The following RALGPS1 variants were observed in gnomAD, a reference collection of about 807,000 sequenced individuals.
The protein encoded by RALGPS1 is ras-specific guanine nucleotide-releasing factor RalGPS1.
In RALGPS1, 19 loss-of-function variants were observed where a neutral mutation model predicts 78.8. The ratio of observed to expected loss-of-function variants is 0.24; its 90% confidence interval spans 0.17 to 0.35. RALGPS1 has a LOEUF of 0.35. RALGPS1 is among the 10% of genes least tolerant of loss of function. The pLI is 1.00. For synonymous variants in RALGPS1, 228 were observed against 256.3 expected (o/e 0.89, Z 1.06); for missense variants, 454 against 688.3 (o/e 0.66, Z 3.81).
chr9:127,119,709 G>C lies in RALGPS1; in HGVS notation c.611-46360G>C, dbSNP rs139924549. Among the ~76,000 whole-genome samples, 99 of 152,346 alleles carry C rather than the reference G, an allele frequency of 6.5e-4. 1 individual carries two copies. The highest frequency in any genetic ancestry group is 2.3e-3 in the African/African-American group (95 of 41,582). On this transcript the variant is annotated intron_variant, in intron 8 of 18. Transcript: ENST00000259351. ...GAGGAACAGCTTATTTGCTCTGCCC[G>C]TGAGCTTCAGCAATAACATGTAGTC...
intron 4 of RALGPS1, among the ~76,000 whole-genome samples, chr9:127,031,059 G>A (rs948841599): frequency 7.2e-5 from 11 of 152,274 alleles, no homozygotes; most frequent in Admixed American, 7.2e-4. Context: ...AGCGCCCATG[G>A]GAAGGGCTGT....
chr9:126,997,491 T>C (rs1257061529), intron 4 of RALGPS1, among the ~76,000 whole-genome samples: 1 of 152,142 alleles, frequency 6.6e-6, no homozygotes, highest in Non-Finnish European at 1.5e-5. Context: ...CAAGGAGAAC[T>C]ACAAACCACT....
chr9:127,214,470 C>T (rs1389559547), intron 17 of RALGPS1, among the ~76,000 whole-genome samples: 2 of 152,136 alleles, frequency 1.3e-5, no homozygotes, highest in Non-Finnish European at 2.9e-5. Context: ...TGAGTATTAT[C>T]GATTTCCTTT....
At chr9:126,986,979 A>C (rs2041860237) in intron 4 of RALGPS1, among the ~76,000 whole-genome samples, 2 of 152,212 alleles carry the variant, frequency 1.3e-5, no homozygotes, top group African/African-American at 4.8e-5. Flanking sequence ...TGTACAAAGC[A>C]AGCTCCTAGT....
intron 5 of RALGPS1, among the ~76,000 whole-genome samples, chr9:127,041,235 G>A (rs185963335): frequency 3.9e-4 from 60 of 152,160 alleles, no homozygotes; most frequent in Admixed American, 3.6e-3. Flanking sequence ...AGGATTACAG[G>A]TGCATGCCAC....
Position 127,212,209 on chromosome 9 carries a change from C to G in RALGPS1, c.1326C>G (p.Thr442=), listed in dbSNP as rs780867195. 1.9e-6 allele frequency: 3 copies of G among 1,613,826 alleles called. No homozygotes were observed. Among genetic ancestry groups the G allele is most frequent in the Non-Finnish European group, 2.5e-6 (3 of 1,179,878 alleles). ...TGGAGGGGCCTCTGAGAAGAAAAAC[C>G]CTGCTCAAGGAAGGGCGGAAGCCTG... The part of the protein sequence containing the change: ...PTMEGPLRRK[T]LLKEGRKPAL... The change falls in exon 15 of 19, where the codon ACC becomes ACG. Residue 442 remains threonine, a synonymous_variant. Coordinates refer to ENST00000259351, the MANE Select transcript of RALGPS1 (RefSeq NM_014636.3). This position sits in a 1 kb window ranked among gnomAD's most constrained non-coding sequence, Gnocchi z 6.0.
chr9:127,025,293 A>G (rs62580805), intron 4 of RALGPS1, among the ~76,000 whole-genome samples: 3,579 of 152,238 alleles, frequency 0.024, 46 homozygotes, highest in Middle Eastern at 0.051. Flanking sequence ...TCATCGCCTC[A>G]CCAGCTGGTG....
intron 8 of RALGPS1, chr9:127,108,186 CT>C: frequency 6.2e-7 from 1 of 1,614,108 alleles, no homozygotes; most frequent in Non-Finnish European, 8.5e-7. Context: ...GGTGCTGGTA[CT>C]TGTGCTCCAG....
intron 1 of RALGPS1, among the ~76,000 whole-genome samples, chr9:126,951,656 A>T (rs934243849): frequency 1.3e-5 from 2 of 152,182 alleles, no homozygotes; most frequent in African/African-American, 2.4e-5. Context: ...TTAGGTATTG[A>T]TGGGACGTAT....
intron 8 of RALGPS1, among the ~76,000 whole-genome samples, chr9:127,105,070 C>A (rs1035095975): frequency 2.0e-5 from 3 of 152,186 alleles, no homozygotes; most frequent in African/African-American, 7.2e-5. Context: ...CAGCTGCTCT[C>A]TTCCTGGGCT....
chr9:126,967,178 G>A (rs888649222), intron 3 of RALGPS1, among the ~76,000 whole-genome samples: 5 of 152,114 alleles, frequency 3.3e-5, no homozygotes, highest in African/African-American at 1.2e-4. Flanking sequence ...ATCTCCTTCA[G>A]TGTGTCTGAG....
rs1390056111 is a variant in RALGPS1 at position 127,212,802 on chromosome 9, G to A, written c.1446+83G>A. 4.6e-6 allele frequency: 7 copies of A among 1,531,920 alleles called. No homozygotes were observed. In the African/African-American group the frequency reaches 9.6e-5, roughly 21 times the overall value. 94.9% of individuals were successfully genotyped at this position (1,531,920 alleles called of 1,614,324 possible). On this transcript the variant is annotated intron_variant, in intron 16 of 18. Transcript: ENST00000259351. The surrounding 1 kb of genome is among the most constrained non-coding windows in gnomAD (Gnocchi z 6.0). ...TGTGAACTGTGGAGGATGGGGGTGG[G>A]AAAGGGATCTGTGTGAACTGCGGAG...
intron 8 of RALGPS1, among the ~76,000 whole-genome samples, chr9:127,084,925 C>CTA (rs2051551003): frequency 6.6e-6 from 1 of 152,226 alleles, no homozygotes; most frequent in South Asian, 2.1e-4. Context: ...GTTTCTCTTA[C>CTA]TATAACCAGA....
At chr9:127,161,815 T>A (rs151282810) in intron 8 of RALGPS1, among the ~76,000 whole-genome samples, 2 of 152,292 alleles carry the variant, frequency 1.3e-5, no homozygotes, top group East Asian at 1.9e-4. Context: ...TGGACAGACC[T>A]GTGCTCAAAT....
chr9:127,189,476 C>T (rs1254541075), intron 11 of RALGPS1, among the ~76,000 whole-genome samples: 1 of 152,216 alleles, frequency 6.6e-6, no homozygotes, highest in Non-Finnish European at 1.5e-5. Flanking sequence ...ACCCCGTCGC[C>T]AGCCAGGTTC....
At chr9:127,028,652 C>T (rs768766898) in intron 4 of RALGPS1, among the ~76,000 whole-genome samples, 7 of 152,194 alleles carry the variant, frequency 4.6e-5, no homozygotes, top group South Asian at 2.1e-4. Context: ...CACTGCTCAG[C>T]GCTGCCTTTC....
intron 10 of RALGPS1, among the ~76,000 whole-genome samples, chr9:127,170,869 C>T (rs2059534830): frequency 6.6e-6 from 1 of 152,220 alleles, no homozygotes; most frequent in African/African-American, 2.4e-5. Flanking sequence ...TGCATTCTCA[C>T]CCCCGGCCCT....
intron 8 of RALGPS1, chr9:127,108,319 T>G (rs2054445916): frequency 1.2e-6 from 2 of 1,613,574 alleles, no homozygotes; most frequent in African/African-American, 2.7e-5. Context: ...GAGCTGCATG[T>G]AGAGCTGCGT....
intron 2 of RALGPS1, among the ~76,000 whole-genome samples, chr9:126,964,328 C>T (rs1306033807): frequency 6.8e-6 from 1 of 146,358 alleles, no homozygotes; most frequent in Non-Finnish European, 1.5e-5. Context: ...GAGATCACAG[C>T]ACTGCACTTT....
Sources: allele counts gnomAD v4.1 joint callset (sites outside exome capture counted in the v4.1 genomes callset), GRCh38; gene constraint gnomAD v4.1.1; non-coding constraint Gnocchi (gnomAD v3.1); transcripts MANE v1.5; gene names NCBI Gene and HGNC (gene_info 2026-07-23, HGNC 2026-07-21).